Variants in CD300A observed in about 807,000 individuals in gnomAD.
CD300A encodes the protein CMRF35-like molecule 8.
A neutral mutation model predicts 33.6 loss-of-function variants in CD300A; 22 were observed. That is an observed-to-expected ratio of 0.66 (90% CI 0.47 to 0.94). The LOEUF (loss-of-function observed/expected upper bound fraction) is 0.94. Among genes scored for constraint, CD300A ranks in the 40% least tolerant of loss-of-function variants. The pLI is 0.00. For missense variants in CD300A, 326 were observed against 360.5 expected, an observed-to-expected ratio of 0.90 and a Z score of 0.77; for synonymous variants, 136 against 148.1, an observed-to-expected ratio of 0.92 and a Z score of 0.59.
Position 74,477,431 on chromosome 17 carries a change from T to G in CD300A, c.534-5T>G, listed in dbSNP as rs567106799. Reference sequence around the variant, plus strand: ...CCCGCCCTTACCATCCTGTGCCTCCTCCAGGCTCCCGCTGCTCCTCTCCCT... The same window carrying G: ...CCCGCCCTTACCATCCTGTGCCTCCGCCAGGCTCCCGCTGCTCCTCTCCCT... On this transcript the variant is annotated splice_region_variant and splice_polypyrimidine_tract_variant and intron_variant, in intron 3 of 6. Transcript: ENST00000360141. The G allele has an allele frequency of 1.2e-6, 2 of 1,612,634 alleles. No individual in the cohort carries two copies. The highest frequency in any genetic ancestry group is 3.3e-5 in the Admixed American group (2 of 59,992).
At chr17:74,469,661 C>T (rs1249094293) in intron 1 of CD300A, among the ~76,000 whole-genome samples, 1 of 152,046 alleles carries the variant, frequency 6.6e-6, no homozygotes, top group East Asian at 1.9e-4. Flanking sequence ...CCCGTGTCTC[C>T]TAAAAACACA....
chr17:74,470,124 A>G, intron 1 of CD300A: 1 of 985,404 alleles, frequency 1.0e-6, no homozygotes, highest in Non-Finnish European at 1.2e-6. Flanking sequence ...CCTGGCCCCA[A>G]GGTGGTCCCC....
chr17:74,481,347 G>GCAGGCTTTAGCACTT, intron 5 of CD300A, 21 bp downstream of exon 5: 2 of 1,612,140 alleles, frequency 1.2e-6, no homozygotes, highest in African/African-American at 1.3e-5. Flanking sequence ...TTTAGCAGGA[G>GCAGGCTTTAGCACTT]GTGTATCAGG....
chr17:74,481,695 G>A, intron 5 of CD300A, 31 bp from the exon 6 acceptor site: 1 of 1,521,100 alleles, frequency 6.6e-7, no homozygotes, highest in Non-Finnish European at 9.0e-7. Flanking sequence ...GGGCTCCGTG[G>A]ACACCCACCT....
At chr17:74,482,693 CCTTCCTTT>C (rs1439264779) in intron 6 of CD300A, among the ~76,000 whole-genome samples, 52 of 102,214 alleles carry the variant, frequency 5.1e-4, no homozygotes, top group East Asian at 2.8e-3. Context: ...TTCCTTCCTT[CCTTCCTTT>C]CTTTCTTTCT....
intron 1 of CD300A, 67 bp downstream of exon 1, chr17:74,466,810 G>T: frequency 6.4e-7 from 1 of 1,553,262 alleles, no homozygotes; most frequent in South Asian, 1.2e-5. Flanking sequence ...GGGCCGCAGG[G>T]CAGGTATCAC....
chr17:74,474,455 C>A, intron 2 of CD300A, 77 bp from the exon 3 acceptor site: 1 of 1,488,000 alleles, frequency 6.7e-7, no homozygotes. Context: ...TGTGTGAAAT[C>A]AAACCAAAAA....
Position 74,482,697 on chromosome 17 carries a change from C to CTTT in CD300A, c.774+864_774+865insTTT, listed in dbSNP as rs1906953973. ...GGCCAAGTTCCTTCCTTCCTTCCTT[C>CTTT]CTTTCTTTCTTTCTTTCTTTCTTTC... On this transcript the variant is annotated intron_variant, in intron 6 of 6. Transcript: ENST00000360141. 5.4e-5 allele frequency among the ~76,000 whole-genome samples: 7 copies of CTTT among 130,130 alleles called. 1 individual carries two copies. Among genetic ancestry groups the CTTT allele is most frequent in the East Asian group, 2.1e-4 (1 of 4,834 alleles). 85.4% of individuals were successfully genotyped at this position (130,130 alleles called of 152,430 possible).
intron 3 of CD300A, among the ~76,000 whole-genome samples, chr17:74,476,564 C>T (rs188595403): frequency 2.5e-4 from 38 of 152,194 alleles, no homozygotes; most frequent in African/African-American, 9.2e-4. Context: ...TGAATGCAAA[C>T]GTAGGCATGA....
At chr17:74,482,673 G>A (rs1906946061) in intron 6 of CD300A, among the ~76,000 whole-genome samples, 1 of 138,592 alleles carries the variant, frequency 7.2e-6, no homozygotes, top group African/African-American at 3.3e-5. Flanking sequence ...ATGGCTCCTG[G>A]CCAAGTTCCT....
At chr17:74,472,187 G>A (rs910916980) in intron 1 of CD300A, among the ~76,000 whole-genome samples, 3 of 149,794 alleles carry the variant, frequency 2.0e-5, no homozygotes, top group Non-Finnish European at 4.4e-5. Context: ...GCAATGAGCC[G>A]AGATCCCGCC....
intron 1 of CD300A, among the ~76,000 whole-genome samples, chr17:74,471,524 A>G (rs1021253193): frequency 6.6e-6 from 1 of 152,218 alleles, no homozygotes; most frequent in African/African-American, 2.4e-5. Flanking sequence ...TCTATAGACA[A>G]GGTGTCTGAA....
chr17:74,467,476 G>C (rs1425942216), intron 1 of CD300A, among the ~76,000 whole-genome samples: 1 of 152,128 alleles, frequency 6.6e-6, no homozygotes. Flanking sequence ...GAGAAGCGCT[G>C]AGATCTTCTT....
intron 2 of CD300A, among the ~76,000 whole-genome samples, chr17:74,474,265 A>G (rs1272176816): frequency 1.3e-5 from 2 of 151,802 alleles, no homozygotes; most frequent in African/African-American, 2.4e-5. Flanking sequence ...GTGTAGACAG[A>G]CTCCTCTGCA....
intron 2 of CD300A, 71 bp from the exon 3 acceptor site, chr17:74,474,460 CA>C: frequency 6.6e-7 from 1 of 1,520,282 alleles, no homozygotes; most frequent in Non-Finnish European, 9.0e-7. Flanking sequence ...GAAATCAAAC[CA>C]AAAAGGCATC....
intron 3 of CD300A, among the ~76,000 whole-genome samples, chr17:74,476,290 C>T (rs563214763): frequency 1.6e-4 from 24 of 152,306 alleles, no homozygotes; most frequent in African/African-American, 5.3e-4. Context: ...ATTTTTGGGA[C>T]ATTCCAAGGA....
intron 3 of CD300A, among the ~76,000 whole-genome samples, chr17:74,476,639 T>C (rs896349411): frequency 6.6e-6 from 1 of 152,218 alleles, no homozygotes; most frequent in African/African-American, 2.4e-5. Context: ...GTCAATCTGC[T>C]GCTGCGTGGT....
intron 6 of CD300A, among the ~76,000 whole-genome samples, chr17:74,482,450 G>A (rs1906923954): frequency 6.6e-6 from 1 of 151,916 alleles, no homozygotes; most frequent in Non-Finnish European, 1.5e-5. Flanking sequence ...GGTGACAGGG[G>A]ACATTGTTGC....
intron 4 of CD300A, 142 bp from the exon 5 acceptor site, chr17:74,481,147 T>G: frequency 1.5e-6 from 1 of 664,690 alleles, no homozygotes; most frequent in South Asian, 1.9e-5. Flanking sequence ...ACCCTTGAGT[T>G]CCTACCATGC....
Sources: allele counts gnomAD v4.1 joint callset (sites outside exome capture counted in the v4.1 genomes callset), GRCh38; gene constraint gnomAD v4.1.1; transcripts MANE v1.5; gene names NCBI Gene and HGNC (gene_info 2026-07-23, HGNC 2026-07-21).